The following ALK variants were observed in gnomAD, a reference collection of about 807,000 sequenced individuals.
The protein encoded by ALK is ALK tyrosine kinase receptor.
A neutral mutation model predicts 163.1 loss-of-function variants in ALK; 74 were observed. That is an observed-to-expected ratio of 0.45 (90% confidence interval 0.38 to 0.55). The LOEUF (loss-of-function observed/expected upper bound fraction) is 0.55, where lower values mean the gene tolerates loss of function less well. Among genes scored for constraint, ALK ranks in the 20% least tolerant of loss-of-function variants. The pLI is 0.00. For missense variants in ALK, 2,063 were observed against 2,105.3 expected, an observed-to-expected ratio of 0.98 and a Z score of 0.39; for synonymous variants, 960 against 843.2, an observed-to-expected ratio of 1.14 and a Z score of -2.40.
intron 9 of ALK, among the ~76,000 whole-genome samples, chr2:29,296,552 A>C (rs538693196): frequency 6.6e-6 from 1 of 152,268 alleles, no homozygotes; most frequent in African/African-American, 2.4e-5. Flanking sequence ...TGCTATATAC[A>C]TGTAAAACCA....
At chr2:29,844,052 C>T (rs1172358923) in intron 1 of ALK, among the ~76,000 whole-genome samples, 2 of 152,082 alleles carry the variant, frequency 1.3e-5, no homozygotes, top group Non-Finnish European at 2.9e-5. Context: ...ACATATAGGA[C>T]TTGGTAAAGG....
rs115560102 is a variant in ALK at position 29,397,531 on chromosome 2, C to T, written c.1155-13672G>A. On this transcript the variant is annotated intron_variant, in intron 4 of 28. Transcript: ENST00000389048. The stretch of plus-strand genomic sequence containing the variant: ...GCAGTCCTTGCAAACTAATACAGGT[C>T]GATCATTCAAAACCATCCCCACTAA... Among the ~76,000 whole-genome samples, 743 of 152,234 alleles carry T rather than the reference C, an allele frequency of 4.9e-3. 6 individuals carry two copies. Among genetic ancestry groups the T allele is most frequent in the African/African-American group, 0.017 (718 of 41,540 alleles).
At chr2:29,612,597 T>C (rs1675727116) in intron 3 of ALK, among the ~76,000 whole-genome samples, 1 of 152,212 alleles carries the variant, frequency 6.6e-6, no homozygotes, top group South Asian at 2.1e-4. Context: ...TGCTCCCGAA[T>C]TCCCCCAAAA....
chr2:29,314,457 C>T (rs2148244793), intron 8 of ALK, among the ~76,000 whole-genome samples: 1 of 152,142 alleles, frequency 6.6e-6, no homozygotes, highest in South Asian at 2.1e-4. Flanking sequence ...GTCCCAAGAT[C>T]CCAGAGGGTG....
intron 4 of ALK, among the ~76,000 whole-genome samples, chr2:29,467,364 C>T (rs4665458): frequency 0.83 from 125,793 of 152,152 alleles, 52,208 homozygotes; most frequent in Non-Finnish European, 0.86. Context: ...GGCACTGTTG[C>T]TGGCCTTGGG....
chr2:29,515,509 T>C (rs551906981), intron 4 of ALK, among the ~76,000 whole-genome samples: 1 of 151,980 alleles, frequency 6.6e-6, no homozygotes, highest in African/African-American at 2.4e-5. Context: ...TGGGTAATCC[T>C]GGATAGGATG....
chr2:29,814,992 G>A (rs867970827), intron 1 of ALK, among the ~76,000 whole-genome samples: 9 of 148,690 alleles, frequency 6.1e-5, no homozygotes, highest in African/African-American at 2.2e-4. Context: ...ATGAATGAAT[G>A]AATGAATGAA....
intron 1 of ALK, among the ~76,000 whole-genome samples, chr2:29,891,875 A>G (rs1667157367): frequency 6.6e-6 from 1 of 152,176 alleles, no homozygotes; most frequent in African/African-American, 2.4e-5. Context: ...CTCTCTGTAC[A>G]ATGCTAGCAT....
chr2:29,300,375 C>A (rs1666334022), intron 8 of ALK, among the ~76,000 whole-genome samples: 1 of 151,830 alleles, frequency 6.6e-6, no homozygotes, highest in African/African-American at 2.4e-5. Flanking sequence ...ATGGTGAAAC[C>A]CCGACTCTAC....
chr2:29,224,538 G>A (rs2148173856), intron 19 of ALK: 1 of 229,780 alleles, frequency 4.4e-6, no homozygotes, highest in East Asian at 6.2e-5. Flanking sequence ...ATGGAAGCCA[G>A]AACAAAATTG....
At chr2:29,509,673 A>G (rs1672456012) in intron 4 of ALK, among the ~76,000 whole-genome samples, 2 of 152,204 alleles carry the variant, frequency 1.3e-5, no homozygotes, top group African/African-American at 2.4e-5. Context: ...GTTGGAATCT[A>G]TATTTCTTAA....
chr2:29,663,043 C>T (rs1677397991), intron 3 of ALK, among the ~76,000 whole-genome samples: 1 of 152,124 alleles, frequency 6.6e-6, no homozygotes, highest in Non-Finnish European at 1.5e-5. Flanking sequence ...GACTATTAGG[C>T]TAATACTCCT....
chr2:29,840,740 TTAA>T (rs1665675928), intron 1 of ALK, among the ~76,000 whole-genome samples: 1 of 152,236 alleles, frequency 6.6e-6, no homozygotes, highest in Non-Finnish European at 1.5e-5. Flanking sequence ...ATTGCATCTA[TTAA>T]TAACTGAACA....
At chr2:29,583,047 T>TGTTGTTG (rs1553335230) in intron 3 of ALK, among the ~76,000 whole-genome samples, 120 of 149,980 alleles carry the variant, frequency 8.0e-4, no homozygotes, top group African/African-American at 2.8e-3. Flanking sequence ...TTTTTGTTTT[T>TGTTGTTG]TTGTTTTTTT....
chr2:29,720,224 A>G (rs1187165868), intron 1 of ALK, among the ~76,000 whole-genome samples: 6 of 152,000 alleles, frequency 3.9e-5, no homozygotes, highest in Admixed American at 1.3e-4. Flanking sequence ...AAAAAAAGAA[A>G]GCTTTCAAAA....
chr2:29,757,506 G>T (rs1680568911), intron 1 of ALK, among the ~76,000 whole-genome samples: 1 of 151,862 alleles, frequency 6.6e-6, no homozygotes, highest in Non-Finnish European at 1.5e-5. Flanking sequence ...AAAATGTCTA[G>T]TTTTATTTGA....
At chr2:29,771,186 C>G (rs867574549) in intron 1 of ALK, among the ~76,000 whole-genome samples, 2 of 151,946 alleles carry the variant, frequency 1.3e-5, no homozygotes, top group African/African-American at 2.4e-5. Context: ...TATATGCACA[C>G]GTACACAAAT....
chr2:29,377,314 A>C (rs1668779648), intron 5 of ALK, among the ~76,000 whole-genome samples: 1 of 152,086 alleles, frequency 6.6e-6, no homozygotes, highest in South Asian at 2.1e-4. Flanking sequence ...GTCTCTACTG[A>C]AAATACAAAA....
At chr2:29,389,148 C>T (rs116313182) in intron 4 of ALK, among the ~76,000 whole-genome samples, 2,564 of 152,228 alleles carry the variant, frequency 0.017, 66 homozygotes, top group African/African-American at 0.059. Context: ...TCTAGGGATG[C>T]GAAGTGTTTA....
Sources: allele counts gnomAD v4.1 joint callset (sites outside exome capture counted in the v4.1 genomes callset), GRCh38; gene constraint gnomAD v4.1.1; transcripts MANE v1.5; gene names NCBI Gene and HGNC (gene_info 2026-07-23, HGNC 2026-07-21).